Variants in PPP2R2D observed in about 807,000 individuals in gnomAD.
The protein encoded by PPP2R2D is serine/threonine-protein phosphatase 2A 55 kDa regulatory subunit B delta isoform.
Under a neutral mutation model 31.1 loss-of-function variants are expected in PPP2R2D, and 9 were observed. The ratio of observed to expected loss-of-function variants is 0.29; its 90% CI spans 0.17 to 0.51. The LOEUF (loss-of-function observed/expected upper bound fraction) is 0.51, where lower values mean the gene tolerates loss of function less well. PPP2R2D is among the 20% of genes least tolerant of loss of function. PPP2R2D has a pLI of 0.98. For missense variants in PPP2R2D, 391 were observed against 465.6 expected (o/e 0.84, Z 1.48); for synonymous variants, 179 against 172.6 (o/e 1.04, Z -0.29).
At chr10:131,970,300 C>A in the PPP2R2D span, 1 of 291,580 alleles carries the variant, frequency 3.4e-6, no homozygotes, top group South Asian at 5.5e-5. The surrounding 1 kb of genome is among the most constrained non-coding windows in gnomAD (Gnocchi z 4.1). Flanking sequence ...GGTGCATTCC[C>A]GCCACAGTAC....
intron 5 of PPP2R2D, among the ~76,000 whole-genome samples, chr10:131,942,633 G>A (rs1478683185): frequency 2.0e-5 from 3 of 152,316 alleles, no homozygotes; most frequent in Middle Eastern, 3.4e-3. Context: ...TTGGGAGACC[G>A]AGATGGGAGG....
chr10:131,931,494 C>T (rs1483860848), intron 2 of PPP2R2D, among the ~76,000 whole-genome samples: 1 of 152,208 alleles, frequency 6.6e-6, no homozygotes, highest in Non-Finnish European at 1.5e-5. Context: ...ATTATAGATA[C>T]ACACCACCAT....
intron 2 of PPP2R2D, among the ~76,000 whole-genome samples, chr10:131,931,216 A>G (rs1554895643): frequency 1.3e-5 from 2 of 152,204 alleles, no homozygotes; most frequent in African/African-American, 2.4e-5. Flanking sequence ...CGTGGTTAGG[A>G]TAGCACCTGG....
chr10:131,948,034 G>A (rs782636162), intron 8 of PPP2R2D, among the ~76,000 whole-genome samples: 1 of 152,194 alleles, frequency 6.6e-6, no homozygotes, highest in Non-Finnish European at 1.5e-5. Flanking sequence ...CTAGGTACAG[G>A]CCGGCTATGT....
intron 2 of PPP2R2D, among the ~76,000 whole-genome samples, chr10:131,906,668 C>G (rs2035590263): frequency 1.3e-5 from 2 of 151,182 alleles, no homozygotes; most frequent in African/African-American, 4.9e-5. Context: ...CGCCTGTAGT[C>G]TCAGCACTTC....
Position 131,945,509 on chromosome 10 carries a change from C to T in PPP2R2D, c.820+50C>T, listed in dbSNP as rs782021548. The T allele has an allele frequency of 3.9e-6, 6 of 1,548,980 alleles. No individual in the cohort carries two copies. Among genetic ancestry groups the T allele is most frequent in the South Asian group, 3.7e-5 (3 of 81,894 alleles). On this transcript the variant is annotated intron_variant, in intron 7 of 8. Coordinates refer to ENST00000455566, the MANE Select transcript of PPP2R2D (RefSeq NM_018461.5). The surrounding 1 kb of genome is among the most constrained non-coding windows in gnomAD (Gnocchi z 4.8). ...GAGTCTGGCTCTGTCACCCAGGCTG[C>T]GGTGCAGTGACACAGTCTCGGCTCA...
At chr10:131,936,862 T>C (rs1417165995) in intron 3 of PPP2R2D, among the ~76,000 whole-genome samples, 2 of 152,238 alleles carry the variant, frequency 1.3e-5, no homozygotes, top group East Asian at 3.8e-4. Flanking sequence ...TCTGAAAGGC[T>C]TTCACGGTCC....
Position 131,934,518 on chromosome 10 carries a change from A to T in PPP2R2D, c.161A>T (p.Lys54Met). 1 of 780,392 alleles carries T rather than the reference A, an allele frequency of 1.3e-6. No homozygotes were observed. The highest frequency in any genetic ancestry group is 2.4e-6 in the Non-Finnish European group (1 of 417,880). The allele number at this position is 780,392 out of a possible 1,614,324, so 48.3% of individuals were successfully genotyped here. A position where few individuals can be genotyped will look rare whatever the true frequency, so the allele number is the denominator to read the frequency against. Residue 54 changes from lysine (K) to methionine (M), a missense_variant, in exon 3 of 9, where the codon AAG (lysine) becomes ATG (methionine). This residue lies in a region of PPP2R2D where 105 missense variants were observed against 98.5 expected (regional missense o/e 1.07). Coordinates refer to ENST00000455566, the MANE Select transcript of PPP2R2D (RefSeq NM_018461.5). ...YSGDLLATGD[K>M]GGRVVIFQRE... ...GGAGATCTTCTTGCAACAGGAGACA[A>T]GGGCGGCAGAGTTGTTATTTTTCAG...
At chr10:131,934,151 A>G (rs1554896107) in intron 2 of PPP2R2D, among the ~76,000 whole-genome samples, 1 of 152,046 alleles carries the variant, frequency 6.6e-6, no homozygotes. Flanking sequence ...TTTACAGATG[A>G]ATTTTCTAAA....
At chr10:131,955,662 T>C in intron 8 of PPP2R2D, 22 bp from the exon 9 acceptor site, 1 of 1,406,116 alleles carries the variant, frequency 7.1e-7, no homozygotes, top group Non-Finnish European at 9.3e-7. Context: ...GGAGTGCTGC[T>C]GTCTGCTCTT....
the PPP2R2D span, chr10:131,966,878 GTTGT>G: frequency 9.3e-6 from 1 of 107,154 alleles, no homozygotes; most frequent in Non-Finnish European, 1.8e-5. Context: ...CCTCCAACTG[GTTGT>G]TTTTTTTTTT....
At chr10:131,905,312 TC>T (rs1159337216) in intron 2 of PPP2R2D, among the ~76,000 whole-genome samples, 1 of 152,188 alleles carries the variant, frequency 6.6e-6, no homozygotes, top group Non-Finnish European at 1.5e-5. Context: ...ATGTTGCGGT[TC>T]TAAACGGTGG....
chr10:131,947,916 G>C lies in PPP2R2D; in HGVS notation c.1082+125G>C, dbSNP rs1589957854. 11 of 1,232,128 alleles carry C rather than the reference G, an allele frequency of 8.9e-6. No homozygotes were observed. In the East Asian group the frequency reaches 1.4e-4, roughly 16 times the overall value. 76.3% of individuals were successfully genotyped at this position (1,232,128 alleles called of 1,614,324 possible). A position where few individuals can be genotyped will look rare whatever the true frequency, so the allele number is the denominator to read the frequency against. ...GACGCTCATAGGGTGTTGTTTTCCA[G>C]ACCTTTTGATTGATGGATGATAGTA... On this transcript the variant is annotated intron_variant, in intron 8 of 8. Coordinates refer to ENST00000455566, the MANE Select transcript of PPP2R2D (RefSeq NM_018461.5). The surrounding 1 kb of genome is among the most constrained non-coding windows in gnomAD (Gnocchi z 4.3).
Position 131,959,822 on chromosome 10 carries a change from A to G in PPP2R2D, c.*3859A>G, listed in dbSNP as rs1260578455. The G allele has an allele frequency of 2.6e-5, 4 of 152,222 alleles. No individual in the cohort carries two copies. The highest frequency in any genetic ancestry group is 9.6e-5 in the African/African-American group (4 of 41,460). 9.4% of individuals were successfully genotyped at this position (152,222 alleles called of 1,614,324 possible). A position where few individuals can be genotyped will look rare whatever the true frequency, so the allele number is the denominator to read the frequency against. ...GACCAAAAAGTTCAATAAATTTTAA[A>G]TGTTTAACTGGATTTTCACTGCGTA... On this transcript the variant is annotated 3_prime_UTR_variant, in exon 9 of 9. Transcript: ENST00000455566.
intron 2 of PPP2R2D, among the ~76,000 whole-genome samples, chr10:131,918,602 G>GAC (rs2035879979): frequency 8.1e-6 from 1 of 122,840 alleles, no homozygotes; most frequent in African/African-American, 3.1e-5. Context: ...CGGGTGGAGT[G>GAC]ACAGTGTTTG....
intron 2 of PPP2R2D, among the ~76,000 whole-genome samples, chr10:131,920,765 C>G (rs1360731367): frequency 3.9e-5 from 6 of 152,040 alleles, no homozygotes; most frequent in Non-Finnish European, 7.4e-5. Flanking sequence ...CCCGTTGCTA[C>G]TAAAAATACA....
chr10:131,951,829 C>CA (rs560160242), intron 8 of PPP2R2D, among the ~76,000 whole-genome samples: 31 of 151,630 alleles, frequency 2.0e-4, no homozygotes, highest in Admixed American at 6.6e-4. Flanking sequence ...CAAAAAAAAA[C>CA]AAAAAAAATC....
At chr10:131,910,231 C>G (rs1464132486) in intron 2 of PPP2R2D, among the ~76,000 whole-genome samples, 1 of 152,132 alleles carries the variant, frequency 6.6e-6, no homozygotes, top group African/African-American at 2.4e-5. Context: ...GGGTCTTTTG[C>G]TCATGGACAT....
In PPP2R2D at chr10:131,944,140, G is replaced by A; in HGVS notation, c.650G>A (p.Ser217Asn). 1 of 1,609,384 alleles carries A rather than the reference G, an allele frequency of 6.2e-7. No homozygotes were observed. ...TGGCACTTAGAAATCACAGATAGAAGCTTTAGTATCCTTCCTCAGAGGGAC... is the reference window on the plus strand; with the variant it reads ...TGGCACTTAGAAATCACAGATAGAAACTTTAGTATCCTTCCTCAGAGGGAC... ...NLWHLEITDR[S>N]FNIVDIKPAN... The change falls in exon 6 of 9, where the codon AGC becomes AAC. Residue 217 changes from serine (S) to asparagine (N), a missense_variant. This residue lies in a region of PPP2R2D where 123 missense variants were observed against 187.7 expected (regional missense o/e 0.66). Transcript: ENST00000455566.
Sources: allele counts gnomAD v4.1 joint callset (sites outside exome capture counted in the v4.1 genomes callset), GRCh38; gene constraint gnomAD v4.1.1; regional missense constraint gnomAD v4.1.1; non-coding constraint Gnocchi (gnomAD v3.1); transcripts MANE v1.5; gene names NCBI Gene and HGNC (gene_info 2026-07-23, HGNC 2026-07-21).